Variants in CERS4 observed in about 807,000 individuals in gnomAD.
CERS4 encodes LAG1 homolog, ceramide synthase 4.
In CERS4, 65 loss-of-function variants were observed where a neutral mutation model predicts 51.8. That is an observed-to-expected ratio of 1.26 (90% CI 1.03 to 1.54). The LOEUF is 1.54. CERS4 is among the 40% of genes most tolerant of loss of function. The pLI is 0.00. For missense variants in CERS4, 563 were observed against 500.4 expected (o/e 1.13, Z -1.19); for synonymous variants, 228 against 208.4 (o/e 1.09, Z -0.81).
chr19:8,223,730 G>A (rs948685999), intron 2 of CERS4, among the ~76,000 whole-genome samples: 3 of 152,134 alleles, frequency 2.0e-5, no homozygotes, highest in Non-Finnish European at 4.4e-5. Context: ...AAACTGCAGT[G>A]AACCTTGATC....
intron 2 of CERS4, among the ~76,000 whole-genome samples, chr19:8,218,445 C>T (rs569608790): frequency 1.3e-5 from 2 of 152,314 alleles, no homozygotes; most frequent in Admixed American, 6.5e-5. Context: ...GAGCAACATT[C>T]CTAAAATTGA....
chr19:8,217,368 C>T (rs1314757567), intron 2 of CERS4, among the ~76,000 whole-genome samples: 1 of 151,684 alleles, frequency 6.6e-6, no homozygotes. Flanking sequence ...AGGAGAGGCT[C>T]GTTTTTTAAT....
intron 2 of CERS4, among the ~76,000 whole-genome samples, chr19:8,215,739 C>T (rs1260089043): frequency 4.6e-5 from 7 of 152,124 alleles, no homozygotes; most frequent in Non-Finnish European, 7.3e-5. Flanking sequence ...CCTCCATCCC[C>T]GTCCAAACTG....
chr19:8,253,518 G>C (rs1969204627), intron 3 of CERS4, among the ~76,000 whole-genome samples: 1 of 146,198 alleles, frequency 6.8e-6, no homozygotes, highest in South Asian at 2.1e-4. Flanking sequence ...TGAGTGCAGT[G>C]GTGCGATCTC....
chr19:8,257,022 T>G lies in CERS4; in HGVS notation c.686T>G (p.Leu229Arg), dbSNP rs776530648. 7 of 1,613,564 alleles carry G rather than the reference T, an allele frequency of 4.3e-6. No homozygotes were observed. ...LMTFSYSANL[L>R]RIGSLVLLLH... ...ACCTTCTCCTACAGTGCCAACCTGC[T>G]GCGCATTGGCTCTCTGGTGCTGCTG... Residue 229 changes from leucine (L) to arginine (R), a missense_variant, in exon 9 of 12, where the codon CTG (leucine) becomes CGG (arginine). By Grantham distance (102) the Leu-to-Arg change is moderately radical. Coordinates refer to ENST00000251363, the MANE Select transcript of CERS4 (RefSeq NM_024552.3).
At chr19:8,213,485 TAC>T (rs1406348293) in intron 2 of CERS4, among the ~76,000 whole-genome samples, 1 of 152,090 alleles carries the variant, frequency 6.6e-6, no homozygotes, top group African/African-American at 2.4e-5. Context: ...AAAAATTTTA[TAC>T]ACATGGACAG....
chr19:8,216,520 T>C (rs2145164680), intron 2 of CERS4, among the ~76,000 whole-genome samples: 1 of 151,984 alleles, frequency 6.6e-6, no homozygotes, highest in East Asian at 1.9e-4. Flanking sequence ...CTCATGCCTG[T>C]AATCCCAGCA....
At chr19:8,237,002 CAAAAA>C (rs781273995) in intron 2 of CERS4, among the ~76,000 whole-genome samples, 298 of 44,940 alleles carry the variant, frequency 6.6e-3, no homozygotes, top group African/African-American at 0.021. Context: ...GACTCTGTCT[CAAAAA>C]AAAAAAAAAA....
At position 8,255,887 on chromosome 19, in the gene CERS4, T is replaced by C. The variant is rs749534762; in HGVS notation, c.468+8T>C. On this transcript the variant is annotated splice_region_variant and intron_variant, in intron 6 of 11. Coordinates refer to ENST00000251363, the MANE Select transcript of CERS4 (RefSeq NM_024552.3). ...CTCTCGGTCCTGTACCACGTGAGTA[T>C]ACCAGAGTATAGCTGACTGCTCACC... 6 of 1,613,534 alleles carry C rather than the reference T, an allele frequency of 3.7e-6. No individual in the cohort carries two copies. The highest frequency in any genetic ancestry group is 5.1e-6 in the Non-Finnish European group (6 of 1,179,904).
At chr19:8,230,525 C>A (rs978965501) in intron 2 of CERS4, among the ~76,000 whole-genome samples, 1 of 152,078 alleles carries the variant, frequency 6.6e-6, no homozygotes, top group African/African-American at 2.4e-5. Flanking sequence ...CAGAAAATAC[C>A]AAGGCTCTAT....
At chr19:8,253,284 C>T (rs1342405385) in intron 3 of CERS4, among the ~76,000 whole-genome samples, 1 of 152,048 alleles carries the variant, frequency 6.6e-6, no homozygotes, top group South Asian at 2.1e-4. Context: ...CCAGCCCCTG[C>T]CCATGGGGAG....
At chr19:8,255,007 G>T (rs181083675) in intron 4 of CERS4, among the ~76,000 whole-genome samples, 1 of 152,288 alleles carries the variant, frequency 6.6e-6, no homozygotes, top group East Asian at 1.9e-4. Context: ...CTATCCTGGG[G>T]AGGAATGGAA....
intron 3 of CERS4, 76 bp from the exon 4 acceptor site, chr19:8,254,423 C>T: frequency 7.2e-7 from 1 of 1,388,986 alleles, no homozygotes; most frequent in Non-Finnish European, 1.0e-6. Context: ...ATCCCACCGG[C>T]AGCATGTCTG....
chr19:8,234,774 G>A (rs11883096), intron 2 of CERS4, among the ~76,000 whole-genome samples: 1 of 150,792 alleles, frequency 6.6e-6, no homozygotes, highest in South Asian at 2.1e-4. Context: ...GGCTGGTCTC[G>A]AACTCCTGAC....
intron 9 of CERS4, 99 bp downstream of exon 9, chr19:8,257,176 T>TG (rs1468410614): frequency 8.3e-5 from 107 of 1,290,450 alleles, no homozygotes; most frequent in Non-Finnish European, 1.1e-4. Flanking sequence ...TCCTGGGAGA[T>TG]GGAGCCCCAC....
At chr19:8,240,892 C>T (rs1232260438) in intron 2 of CERS4, among the ~76,000 whole-genome samples, 2 of 152,072 alleles carry the variant, frequency 1.3e-5, no homozygotes, top group Admixed American at 6.6e-5. Context: ...CTCTCTCTTT[C>T]CCCCAATCTG....
intron 3 of CERS4, 111 bp downstream of exon 3, chr19:8,251,360 C>T: frequency 6.9e-7 from 1 of 1,442,660 alleles, no homozygotes; most frequent in Non-Finnish European, 9.1e-7. Flanking sequence ...GCTGGCTTTG[C>T]ACCAAAGCGC....
intron 10 of CERS4, chr19:8,260,963 A>AAAAC (rs1555781437): frequency 6.6e-6 from 1 of 151,594 alleles, no homozygotes; most frequent in Non-Finnish European, 1.5e-5. Context: ...AAAAAAAAAA[A>AAAAC]AAAAAAAAAA....
intron 2 of CERS4, among the ~76,000 whole-genome samples, chr19:8,249,561 A>G (rs555492231): frequency 6.8e-6 from 1 of 147,370 alleles, no homozygotes; most frequent in Admixed American, 6.9e-5. Context: ...CCTACCTTCC[A>G]TAGATGGCCA....
Sources: allele counts gnomAD v4.1 joint callset (sites outside exome capture counted in the v4.1 genomes callset), GRCh38; gene constraint gnomAD v4.1.1; transcripts MANE v1.5; gene names NCBI Gene and HGNC (gene_info 2026-07-23, HGNC 2026-07-21).